Variants in CNR2 observed in about 807,000 individuals in gnomAD.
CNR2 encodes cannabinoid receptor 2.
For synonymous variants in CNR2, 172 were observed against 182.2 expected (o/e 0.94, Z 0.45); for missense variants, 379 against 439.9 (o/e 0.86, Z 1.24).
chr1:23,879,747 C>A (rs978699593), intron 1 of CNR2, among the ~76,000 whole-genome samples: 5 of 151,968 alleles, frequency 3.3e-5, no homozygotes, highest in South Asian at 4.2e-4. Context: ...AAAAAAAAAA[C>A]CAGGCATCAT....
At chr1:23,898,574 C>T (rs914104647) in intron 1 of CNR2, among the ~76,000 whole-genome samples, 2 of 147,666 alleles carry the variant, frequency 1.4e-5, no homozygotes, top group African/African-American at 2.5e-5. Flanking sequence ...ATCCCCTGAC[C>T]TTGTGATCCG....
At chr1:23,895,428 C>A (rs12724034) in intron 1 of CNR2, among the ~76,000 whole-genome samples, 124,392 of 152,142 alleles carry the variant, frequency 0.82, 50,952 homozygotes, top group Admixed American at 0.84. Flanking sequence ...ATTCCATGAG[C>A]AAATAGATTC....
intron 1 of CNR2, among the ~76,000 whole-genome samples, chr1:23,890,075 A>G (rs1640158277): frequency 6.6e-6 from 1 of 151,804 alleles, no homozygotes; most frequent in African/African-American, 2.4e-5. Context: ...TAGCCTGGCC[A>G]ACATGGTAAA....
intron 1 of CNR2, among the ~76,000 whole-genome samples, chr1:23,899,629 A>G (rs1640347327): frequency 6.7e-6 from 1 of 149,912 alleles, no homozygotes; most frequent in Admixed American, 6.8e-5. Context: ...AGCCTGGCCA[A>G]CATGCTGAAA....
chr1:23,897,860 T>C (rs1328274564), intron 1 of CNR2, among the ~76,000 whole-genome samples: 1 of 152,216 alleles, frequency 6.6e-6, no homozygotes, highest in Non-Finnish European at 1.5e-5. Flanking sequence ...TGCTTCAGCA[T>C]GCAAACTGTT....
chr1:23,881,273 C>T (rs1165303861), intron 1 of CNR2, among the ~76,000 whole-genome samples: 1 of 151,382 alleles, frequency 6.6e-6, no homozygotes, highest in African/African-American at 2.4e-5. Context: ...GAGACTCCGT[C>T]TCAAAAAATA....
intron 1 of CNR2, among the ~76,000 whole-genome samples, chr1:23,887,629 C>T (rs1222951640): frequency 6.6e-6 from 1 of 152,142 alleles, no homozygotes; most frequent in Non-Finnish European, 1.5e-5. Context: ...GCTATAAATC[C>T]CTTTTGGAGT....
chr1:23,878,504 G>A (rs901762816), intron 1 of CNR2, among the ~76,000 whole-genome samples: 1 of 151,278 alleles, frequency 6.6e-6, no homozygotes, highest in African/African-American at 2.4e-5. Flanking sequence ...TCAGCCTCCT[G>A]ACATAGCTGA....
chr1:23,900,031 G>A (rs1640371638), intron 1 of CNR2, among the ~76,000 whole-genome samples: 1 of 150,272 alleles, frequency 6.7e-6, no homozygotes. Flanking sequence ...TCATGCAGCT[G>A]GAGGCTACAA....
At chr1:23,888,798 C>T (rs1640135190) in intron 1 of CNR2, among the ~76,000 whole-genome samples, 3 of 151,962 alleles carry the variant, frequency 2.0e-5, no homozygotes, top group Admixed American at 2.0e-4. Context: ...CGGTGAAACC[C>T]TGTCTACTAA....
intron 1 of CNR2, among the ~76,000 whole-genome samples, chr1:23,877,278 A>G (rs1639900585): frequency 6.6e-6 from 1 of 152,248 alleles, no homozygotes; most frequent in African/African-American, 2.4e-5. Flanking sequence ...ATCATTGAAA[A>G]AAGAGATCCT....
At chr1:23,893,043 T>A (rs1432759544) in intron 1 of CNR2, among the ~76,000 whole-genome samples, 1 of 152,158 alleles carries the variant, frequency 6.6e-6, no homozygotes, top group Non-Finnish European at 1.5e-5. Flanking sequence ...GAATGTGTAA[T>A]GTATAGGTTA....
At chr1:23,893,871 C>T (rs1557529847) in intron 1 of CNR2, among the ~76,000 whole-genome samples, 4 of 152,224 alleles carry the variant, frequency 2.6e-5, no homozygotes, top group Non-Finnish European at 1.5e-5. Context: ...TACCTGTAGT[C>T]CCAGCACTTT....
chr1:23,881,014 A>G (rs112741635), intron 1 of CNR2, among the ~76,000 whole-genome samples: 85,723 of 151,376 alleles, frequency 0.57, 24,829 homozygotes, highest in Admixed American at 0.62. Flanking sequence ...GGTGGCTTAC[A>G]CCTGTAATCC....
intron 1 of CNR2, among the ~76,000 whole-genome samples, chr1:23,893,227 A>G (rs2502967): frequency 0.82 from 124,346 of 152,098 alleles, 50,936 homozygotes; most frequent in Admixed American, 0.84. Flanking sequence ...CAGTCTCCCC[A>G]GACCTTTCCT....
At chr1:23,892,971 G>A (rs574118142) in intron 1 of CNR2, among the ~76,000 whole-genome samples, 13 of 152,092 alleles carry the variant, frequency 8.5e-5, no homozygotes, top group Non-Finnish European at 1.9e-4. Flanking sequence ...AGCAGAGATC[G>A]CACCATTGCA....
intron 1 of CNR2, among the ~76,000 whole-genome samples, chr1:23,895,003 T>C (rs1640255617): frequency 1.3e-5 from 2 of 152,136 alleles, no homozygotes; most frequent in South Asian, 2.1e-4. Flanking sequence ...GCGGATCACC[T>C]GAGGTCAGGA....
rs1639785099 is a variant in CNR2, at chr1:23,872,760, T to C, written c.*1775A>G. ...ACTTAGCCCCCTGCCTGGCACATAG[T>C]AAAGGCTCAATAAAAGTGAGCCGGC... On this transcript the variant is annotated 3_prime_UTR_variant, in exon 2 of 2. Transcript: ENST00000374472. 6.6e-6 allele frequency: 1 copy of C among 152,184 alleles called. No individual in the cohort carries two copies. Among genetic ancestry groups the C allele is most frequent in the Non-Finnish European group, 1.5e-5 (1 of 68,024 alleles). 9.4% of individuals were successfully genotyped at this position (152,184 alleles called of 1,614,324 possible).
intron 1 of CNR2, among the ~76,000 whole-genome samples, chr1:23,905,258 G>A (rs1219821946): frequency 2.0e-5 from 3 of 149,090 alleles, no homozygotes; most frequent in Non-Finnish European, 4.4e-5. Flanking sequence ...TCGGCTCACT[G>A]CAACCTCCGC....
Sources: allele counts gnomAD v4.1 joint callset (sites outside exome capture counted in the v4.1 genomes callset), GRCh38; gene constraint gnomAD v4.1.1; transcripts MANE v1.5; gene names NCBI Gene and HGNC (gene_info 2026-07-23, HGNC 2026-07-21).